Variants in MAEA observed in about 807,000 individuals in gnomAD.
MAEA encodes E3 ubiquitin-protein transferase MAEA.
A neutral mutation model predicts 46.2 loss-of-function variants in MAEA; 22 were observed. The observed-to-expected ratio is 0.48, with a 90% CI of 0.34 to 0.68. The LOEUF (loss-of-function observed/expected upper bound fraction) is 0.68. Ranked by LOEUF, MAEA falls within the 30% of genes least tolerant of loss-of-function variation. The pLI is 0.01. For missense variants in MAEA, 393 were observed against 558.1 expected, an observed-to-expected ratio of 0.70 and a Z score of 2.98; for synonymous variants, 246 against 222.6, an observed-to-expected ratio of 1.11 and a Z score of -0.94.
intron 6 of MAEA, chr4:1,335,301 A>T (rs1170683521): frequency 1.0e-6 from 1 of 985,374 alleles, no homozygotes; most frequent in Admixed American, 6.1e-5. Flanking sequence ...CAGCTGTGTG[A>T]GTCTATTTTT....
chr4:1,303,851 C>T (rs1298670545), intron 1 of MAEA, among the ~76,000 whole-genome samples: 1 of 148,530 alleles, frequency 6.7e-6, no homozygotes, highest in Non-Finnish European at 1.5e-5. Context: ...TAATAGACAA[C>T]TGAAGAGCAT....
chr4:1,338,421 G>A lies in MAEA; in HGVS notation c.900-1G>A. ...CAACCCTTCCTTGACCCGATGCTCA[G>A]ACAGTGCTACAAGGAGGACGGCAGC... On this transcript the variant is annotated splice_acceptor_variant, in intron 7 of 8. Transcript: ENST00000303400. LOFTEE classifies it high-confidence loss of function. 2 of 1,607,956 alleles carry A rather than the reference G, an allele frequency of 1.2e-6. No homozygotes were observed.
At chr4:1,319,553 T>C (rs1350352746) in intron 3 of MAEA, among the ~76,000 whole-genome samples, 1 of 151,936 alleles carries the variant, frequency 6.6e-6, no homozygotes, top group African/African-American at 2.4e-5. Flanking sequence ...GAGGCTGTGT[T>C]GACGGGACAT....
chr4:1,292,722 G>T (rs1734219323), intron 1 of MAEA, among the ~76,000 whole-genome samples: 1 of 152,118 alleles, frequency 6.6e-6, no homozygotes, highest in East Asian at 1.9e-4. Flanking sequence ...TGCTTTAAGG[G>T]ACTTGTTTCT....
rs1713229515 is a variant in MAEA, at chr4:1,339,397, C to T, written c.*228C>T. 5.4e-6 allele frequency: 3 copies of T among 551,530 alleles called. No individual in the cohort carries two copies. The highest frequency in any genetic ancestry group is 6.0e-5 in the East Asian group (2 of 33,502). 34.2% of individuals were successfully genotyped at this position (551,530 alleles called of 1,614,324 possible). A position where few individuals can be genotyped will look rare whatever the true frequency, so the allele number is the denominator to read the frequency against. On this transcript the variant is annotated 3_prime_UTR_variant, in exon 9 of 9. Coordinates refer to ENST00000303400, the MANE Select transcript of MAEA (RefSeq NM_001017405.3). ...TTTGTAACACGTCAACCATTTGATG[C>T]TTCTGAAAAGTACTTTCAACTTGCG...
At position 1,311,963 on chromosome 4, in the gene MAEA, C is replaced by T. The variant is rs375324734; in HGVS notation, c.70-16C>T. On this transcript the variant is annotated splice_polypyrimidine_tract_variant and intron_variant, in intron 1 of 8. Coordinates refer to ENST00000303400, the MANE Select transcript of MAEA (RefSeq NM_001017405.3). This position sits in a 1 kb window ranked among gnomAD's most constrained non-coding sequence, Gnocchi z 4.4. The stretch of plus-strand genomic sequence containing the variant: ...ACCAGGGGAGCAGATCCCTCACCAT[C>T]CTCCTTCCTCTCCAGGTGCCCTACG... 4.4e-6 allele frequency: 7 copies of T among 1,598,174 alleles called. No individual in the cohort carries two copies. The East Asian group carries it at 1.1e-4, about 26-fold the overall frequency.
rs996724034 is a variant in MAEA, at chr4:1,339,606, C to T, written c.*437C>T. On this transcript the variant is annotated 3_prime_UTR_variant, in exon 9 of 9. Transcript: ENST00000303400. ...CTGGCCTGGCCGGGGAAGGTGGCAG[C>T]GGCACCGGACTGACCTGCAGTGACC... is the stretch of plus-strand genomic sequence containing the variant. The T allele has an allele frequency of 1.0e-5, 2 of 194,792 alleles. No individual in the cohort carries two copies. The highest frequency in any genetic ancestry group is 2.1e-5 in the Non-Finnish European group (2 of 93,516). The allele number at this position is 194,792 out of a possible 1,614,324, so 12.1% of individuals were successfully genotyped here.
At chr4:1,300,060 A>C (rs1735162073) in intron 1 of MAEA, 1 of 152,348 alleles carries the variant, frequency 6.6e-6, no homozygotes, top group Non-Finnish European at 1.5e-5. Context: ...GAAAGTCAGC[A>C]CAATAACGGG....
intron 1 of MAEA, among the ~76,000 whole-genome samples, chr4:1,290,855 A>C (rs1734040155): frequency 6.6e-6 from 1 of 152,212 alleles, no homozygotes; most frequent in Admixed American, 6.5e-5. Flanking sequence ...AGTTCAGCGA[A>C]GGGCTGAAGA....
rs547666773 is a variant in MAEA at position 1,311,099 on chromosome 4, G to A, written c.70-880G>A. ...GGTTGGGCACGGCTGGAGAGGAGGCGAGGTGGAGCGCTTGTTCTGGCACAG... is the reference window on the plus strand; with the variant it reads ...GGTTGGGCACGGCTGGAGAGGAGGCAAGGTGGAGCGCTTGTTCTGGCACAG... On this transcript the variant is annotated intron_variant, in intron 1 of 8. Transcript: ENST00000303400. This position sits in a 1 kb window ranked among gnomAD's most constrained non-coding sequence, Gnocchi z 4.4. Among the ~76,000 whole-genome samples the A allele has an allele frequency of 2.9e-4, 44 of 152,334 alleles. No homozygotes were observed. In the East Asian group the frequency reaches 5.0e-3, roughly 17 times the overall value.
At chr4:1,330,144 T>A (rs369811742) in intron 5 of MAEA, 8 of 985,314 alleles carry the variant, frequency 8.1e-6, no homozygotes, top group Non-Finnish European at 8.4e-6. Flanking sequence ...TGATTAACTT[T>A]TAACGCCTTT....
chr4:1,303,052 C>CCCCTCCTCAGCTT (rs1284521174), intron 1 of MAEA, among the ~76,000 whole-genome samples: 2 of 151,692 alleles, frequency 1.3e-5, no homozygotes, highest in Non-Finnish European at 2.9e-5. Flanking sequence ...CCTGGCAGCT[C>CCCCTCCTCAGCTT]CCCTCCTCAG....
At position 1,297,454 on chromosome 4, in the gene MAEA, C is replaced by CGTGTGTGTGTGTGTGTGT. The variant is rs368069067; in HGVS notation, c.69+7475_69+7476insTGTGTGTGTGTGTGTGTG. On this transcript the variant is annotated intron_variant, in intron 1 of 8. Transcript: ENST00000303400. ...AGCTTTGGAGGAGCCTGAAAAAGTA[C>CGTGTGTGTGTGTGTGTGT]GTGCGTATGTGTGTGTGTATACATA... Among the ~76,000 whole-genome samples the CGTGTGTGTGTGTGTGTGT allele has an allele frequency of 4.9e-3, 731 of 150,592 alleles. 12 individuals are homozygous for CGTGTGTGTGTGTGTGTGT. Among genetic ancestry groups the CGTGTGTGTGTGTGTGTGT allele is most frequent in the Middle Eastern group, 0.01 (3 of 290 alleles).
rs369977597 is a variant in MAEA, at chr4:1,337,149, G to C, written c.899+155G>C. On this transcript the variant is annotated intron_variant, in intron 7 of 8. Coordinates refer to ENST00000303400, the MANE Select transcript of MAEA (RefSeq NM_001017405.3). ...GCACTTGCGTGGTGTCTGGATGGTC[G>C]GGGTGGGGCCGTGTTGAGGGGCCTC... The C allele has an allele frequency of 9.9e-6, 9 of 907,086 alleles. No individual in the cohort carries two copies. In the African/African-American group the frequency reaches 1.5e-4, roughly 15 times the overall value. 56.2% of individuals were successfully genotyped at this position (907,086 alleles called of 1,614,324 possible).
At chr4:1,323,299 A>C (rs144786587) in intron 4 of MAEA, among the ~76,000 whole-genome samples, 1,532 of 152,254 alleles carry the variant, frequency 0.01, 25 homozygotes, top group African/African-American at 0.035. Flanking sequence ...CTCCTAAAGG[A>C]CAAAATTTAA....
intron 2 of MAEA, among the ~76,000 whole-genome samples, chr4:1,313,767 A>C (rs1230389467): frequency 6.6e-6 from 1 of 151,336 alleles, no homozygotes; most frequent in African/African-American, 2.4e-5. Flanking sequence ...ACAGTATAAA[A>C]AGTGATTTAA....
chr4:1,301,313 C>T (rs139704816), intron 1 of MAEA, among the ~76,000 whole-genome samples: 67 of 152,326 alleles, frequency 4.4e-4, no homozygotes, highest in African/African-American at 1.6e-3. Context: ...TCTCCACTCA[C>T]ACTGCTTGCC....
intron 1 of MAEA, 63 bp downstream of exon 1, chr4:1,290,045 C>A (rs1577108236): frequency 2.3e-6 from 3 of 1,317,348 alleles, no homozygotes; most frequent in South Asian, 2.8e-5. Flanking sequence ...GCCCTCGGGC[C>A]GCGAGGGGCC....
rs185244472 is a variant in MAEA, at chr4:1,311,937, C to T, written c.70-42C>T. 297 of 1,571,338 alleles carry T rather than the reference C, an allele frequency of 1.9e-4. 1 individual carries two copies. The African/African-American group carries it at 3.7e-3, about 20-fold the overall frequency. ...CTGGGTGTGGGGCTGGTGGGGCTCACACCAGGGGAGCAGATCCCTCACCAT... is the reference window on the plus strand; with the variant it reads ...CTGGGTGTGGGGCTGGTGGGGCTCATACCAGGGGAGCAGATCCCTCACCAT... On this transcript the variant is annotated intron_variant, in intron 1 of 8. Coordinates refer to ENST00000303400, the MANE Select transcript of MAEA (RefSeq NM_001017405.3). The surrounding 1 kb of genome is among the most constrained non-coding windows in gnomAD (Gnocchi z 4.4).
Sources: gnomAD v4.1 joint callset for allele counts (sites outside exome capture counted in the v4.1 genomes callset) on GRCh38, gnomAD v4.1.1 for gene constraint, Gnocchi (gnomAD v3.1) non-coding constraint, MANE v1.5 for transcripts, NCBI Gene and HGNC (gene_info 2026-07-23, HGNC 2026-07-21) for gene names.